Variants in PRR16 observed in about 807,000 individuals in gnomAD.
PRR16 encodes proline rich 16.
A neutral mutation model predicts 18.2 loss-of-function variants in PRR16; 6 were observed. That is an observed-to-expected ratio of 0.33 (90% CI 0.18 to 0.65). The LOEUF (loss-of-function observed/expected upper bound fraction) is 0.65. PRR16 is among the 30% of genes least tolerant of loss of function. The probability of loss-of-function intolerance (pLI) is 0.74; values close to 1 mark genes in which losing one functional copy is unlikely to be tolerated. For synonymous variants in PRR16, 151 were observed against 147.8 expected (o/e 1.02, Z -0.16); for missense variants, 412 against 376.6 (o/e 1.09, Z -0.78).
intron 1 of PRR16, among the ~76,000 whole-genome samples, chr5:120,577,037 C>A (rs553699978): frequency 6.6e-6 from 1 of 151,770 alleles, no homozygotes; most frequent in African/African-American, 2.4e-5. Context: ...TAAATGATTT[C>A]GTTTTCCAAC....
chr5:120,576,614 G>T (rs943822675), intron 1 of PRR16, among the ~76,000 whole-genome samples: 1 of 152,056 alleles, frequency 6.6e-6, no homozygotes, highest in Non-Finnish European at 1.5e-5. Flanking sequence ...GAACAAAAAG[G>T]TTAACCCTAT....
At chr5:120,699,564 C>T in the PRR16 span, among the ~76,000 whole-genome samples, 1 of 152,042 alleles carries the variant, frequency 6.6e-6, no homozygotes, top group East Asian at 1.9e-4. Flanking sequence ...GTATATGCAT[C>T]AGGTATGAGG....
At chr5:120,665,888 G>T (rs1261234113) in intron 1 of PRR16, among the ~76,000 whole-genome samples, 1 of 152,142 alleles carries the variant, frequency 6.6e-6, no homozygotes, top group Non-Finnish European at 1.5e-5. Context: ...AAGTCAGGTA[G>T]CGTGATGCCT....
chr5:120,598,175 G>A (rs943156998), intron 1 of PRR16, among the ~76,000 whole-genome samples: 6 of 151,668 alleles, frequency 4.0e-5, no homozygotes, highest in Admixed American at 2.6e-4. Flanking sequence ...CTATGTATTT[G>A]GAACTACTGG....
Position 120,686,280 on chromosome 5 carries a change from AC to A in PRR16, c.488del (p.Pro163LeufsTer25). 6.2e-7 allele frequency: 1 copy of A among 1,614,104 alleles called. No individual in the cohort carries two copies. The highest frequency in any genetic ancestry group is 1.1e-5 in the South Asian group (1 of 91,078). On this transcript the variant is annotated frameshift_variant, in exon 2 of 2. Coordinates refer to ENST00000407149, the MANE Select transcript of PRR16 (RefSeq NM_001300783.2). LOFTEE classifies it high-confidence loss of function. Reference sequence around the variant, plus strand: ...TACGAAATGGAGGCTTACCAGGTGGACCTAACAAAATTCCAAATGGAGATAT... The same window carrying A: ...TACGAAATGGAGGCTTACCAGGTGGACTAACAAAATTCCAAATGGAGATAT... ...LLRNGGLPGG[P>X]NKIPNGDICC...
the PRR16 span, among the ~76,000 whole-genome samples, chr5:120,702,887 G>A: frequency 1.3e-5 from 2 of 152,180 alleles, no homozygotes. Context: ...ATCTTTCTCA[G>A]GGAGCAAAGA....
At position 120,522,480 on chromosome 5, in the gene PRR16, A is replaced by G. The variant is rs371728834; in HGVS notation, c.159+57835A>G. ...CTGCATAAATGTCTTCTTTTGAGAA[A>G]TGTCTGTTCATATCCTTCGCCCACT... On this transcript the variant is annotated intron_variant, in intron 1 of 1. Coordinates refer to ENST00000407149, the MANE Select transcript of PRR16 (RefSeq NM_001300783.2). Among the ~76,000 whole-genome samples, 149 of 152,306 alleles carry G rather than the reference A, an allele frequency of 9.8e-4. 4 individuals are homozygous for G. Among genetic ancestry groups the G allele is most frequent in the East Asian group, 4.8e-3 (25 of 5,184 alleles).
intron 1 of PRR16, among the ~76,000 whole-genome samples, chr5:120,639,228 G>T (rs1453578606): frequency 6.6e-6 from 1 of 151,854 alleles, no homozygotes; most frequent in African/African-American, 2.4e-5. Context: ...GTTTAATATT[G>T]TCTTTTTGTG....
At chr5:120,754,289 T>TA in the PRR16 span, among the ~76,000 whole-genome samples, 7 of 35,012 alleles carry the variant, frequency 2.0e-4, no homozygotes, top group African/African-American at 7.6e-4. Context: ...TATAAATATA[T>TA]AATATATAAT....
intron 1 of PRR16, among the ~76,000 whole-genome samples, chr5:120,544,261 T>G (rs1427871538): frequency 1.3e-5 from 2 of 152,148 alleles, no homozygotes; most frequent in African/African-American, 4.8e-5. Context: ...TTCTGACCTT[T>G]CAAAGGATGC....
chr5:120,566,193 T>G (rs1265482796), intron 1 of PRR16, among the ~76,000 whole-genome samples: 3 of 152,200 alleles, frequency 2.0e-5, no homozygotes, highest in Non-Finnish European at 4.4e-5. Flanking sequence ...GTCTGTTCAG[T>G]GTGCTGTCAC....
At chr5:120,765,737 A>G in the PRR16 span, among the ~76,000 whole-genome samples, 1 of 152,098 alleles carries the variant, frequency 6.6e-6, no homozygotes, top group Non-Finnish European at 1.5e-5. Flanking sequence ...ATAGATTATT[A>G]CCAACATTTC....
intron 1 of PRR16, among the ~76,000 whole-genome samples, chr5:120,514,179 C>G (rs900731171): frequency 6.6e-6 from 1 of 152,090 alleles, no homozygotes; most frequent in Non-Finnish European, 1.5e-5. Context: ...CATTTTTAGC[C>G]TAATGATTTA....
chr5:120,523,680 TG>T (rs1422842138), intron 1 of PRR16, among the ~76,000 whole-genome samples: 1 of 152,196 alleles, frequency 6.6e-6, no homozygotes, highest in Non-Finnish European at 1.5e-5. Flanking sequence ...CTATAGTCAG[TG>T]ACTTATTATG....
chr5:120,759,527 C>T, the PRR16 span, among the ~76,000 whole-genome samples: 6 of 151,794 alleles, frequency 4.0e-5, no homozygotes, highest in African/African-American at 1.5e-4. Flanking sequence ...CAGGAGGAGG[C>T]ATAGAGGGTT....
intron 1 of PRR16, among the ~76,000 whole-genome samples, chr5:120,601,014 A>C (rs950657318): frequency 1.3e-5 from 2 of 152,046 alleles, no homozygotes; most frequent in Admixed American, 6.6e-5. Context: ...TTCTATTGTG[A>C]ATAGAGCTGC....
chr5:120,580,057 G>A (rs1753216011), intron 1 of PRR16, among the ~76,000 whole-genome samples: 1 of 152,150 alleles, frequency 6.6e-6, no homozygotes, highest in African/African-American at 2.4e-5. Context: ...GTAAAGGAAT[G>A]CTTGTGATTT....
intron 1 of PRR16, among the ~76,000 whole-genome samples, chr5:120,519,143 T>G (rs866192310): frequency 6.6e-6 from 1 of 152,008 alleles, no homozygotes. Context: ...TTGGAGGGCA[T>G]GGAGAGAGAA....
At chr5:120,691,687 T>A (rs1382260062), downstream of PRR16, among the ~76,000 whole-genome samples, 2 of 152,204 alleles carry the variant, frequency 1.3e-5, no homozygotes, top group African/African-American at 4.8e-5. Context: ...AGCATTTCTA[T>A]ACTTTTGTTA....
Sources: allele counts gnomAD v4.1 joint callset (sites outside exome capture counted in the v4.1 genomes callset), GRCh38; gene constraint gnomAD v4.1.1; transcripts MANE v1.5; gene names NCBI Gene and HGNC (gene_info 2026-07-23, HGNC 2026-07-21).